Variants in PKD1 observed in about 807,000 individuals in gnomAD.
PKD1 encodes the protein polycystin 1, transient receptor potential channel interacting, also known as polycystin-1.
In PKD1, 81 loss-of-function variants were observed where a neutral mutation model predicts 361.7. The observed-to-expected ratio is 0.22, with a 90% confidence interval of 0.19 to 0.27. PKD1 has a LOEUF of 0.27. PKD1 is among the 10% of genes least tolerant of loss of function. The pLI is 1.00. For missense variants in PKD1, 6,399 were observed against 6,118.3 expected, an observed-to-expected ratio of 1.05 and a Z score of -1.53; for synonymous variants, 3,615 against 2,818.3, an observed-to-expected ratio of 1.28 and a Z score of -8.95.
chr16:2,123,703 C>A lies in PKD1; in HGVS notation c.216-4325G>T, dbSNP rs28651969. On this transcript the variant is annotated intron_variant, in intron 1 of 45. Transcript: ENST00000262304. ...GGCATCTGGCAGCAGGACCACCGAG[C>A]GGCCCTAAGCCCAGGCAAGAGCACA... is the stretch of plus-strand genomic sequence containing the variant. Among the ~76,000 whole-genome samples the A allele has an allele frequency of 3.3e-5, 5 of 152,076 alleles. No homozygotes were observed. The South Asian group carries it at 1.0e-3, about 32-fold the overall frequency.
intron 1 of PKD1, among the ~76,000 whole-genome samples, chr16:2,125,220 T>C (rs1384898983): frequency 6.6e-6 from 1 of 151,720 alleles, no homozygotes; most frequent in African/African-American, 2.4e-5. Flanking sequence ...AAAAAAACAG[T>C]GCAGCCCCGG....
At chr16:2,092,914 T>C (rs763713491) in intron 38 of PKD1, 40 bp downstream of exon 38, 6 of 1,612,188 alleles carry the variant, frequency 3.7e-6, no homozygotes, top group Non-Finnish European at 5.1e-6. Context: ...AAGGCAAAAC[T>C]AAAGCCCAGA....
At chr16:2,125,142 C>T (rs1185235199) in intron 1 of PKD1, among the ~76,000 whole-genome samples, 20 of 152,206 alleles carry the variant, frequency 1.3e-4, no homozygotes, top group Admixed American at 8.5e-4. Context: ...GAGAGTGAGG[C>T]GGCTTCCAGG....
At chr16:2,128,971 C>G (rs1181742661) in intron 1 of PKD1, among the ~76,000 whole-genome samples, 1 of 151,868 alleles carries the variant, frequency 6.6e-6, no homozygotes, top group African/African-American at 2.4e-5. Flanking sequence ...TCAAGTGATT[C>G]TCCTGCCTCA....
intron 1 of PKD1, among the ~76,000 whole-genome samples, chr16:2,124,428 G>C (rs902819163): frequency 6.6e-6 from 1 of 152,256 alleles, no homozygotes. Context: ...GCCTGAGGCT[G>C]GCAGGGCCGG....
rs182244605 is a variant in PKD1, at chr16:2,102,687, C to T, written c.8949-54G>A. ...GCCCAGGCTCCGCCAGGTTGGATGT[C>T]GCAGTCTCAGAGCCCATACCCGGTC... On this transcript the variant is annotated intron_variant, in intron 24 of 45. Coordinates refer to ENST00000262304, the MANE Select transcript of PKD1 (RefSeq NM_001009944.3). 7.2e-4 allele frequency: 1,159 copies of T among 1,609,934 alleles called. 5 individuals carry two copies. In the African/African-American group the frequency reaches 0.013, roughly 18 times the overall value.
chr16:2,110,910 C>G lies in PKD1; in HGVS notation c.4257G>C (p.Glu1419Asp), dbSNP rs1171741150. The change falls in exon 15 of 46, where the codon GAG (glutamate) becomes GAC (aspartate). Residue 1419 changes from glutamate (E) to aspartate (D), a missense_variant. Transcript: ENST00000262304. The stretch of plus-strand genomic sequence containing the variant: ...CCCTGGCACGGGTGGGGGCGGCTTC[C>G]TCGGTGCCAAAGTCCCAGGTGTAGC... ...PYRYTWDFGT[E>D]EAAPTRARGP... 1.9e-6 allele frequency: 3 copies of G among 1,611,266 alleles called. No individual in the cohort carries two copies. Among genetic ancestry groups the G allele is most frequent in the African/African-American group, 1.3e-5 (1 of 74,890 alleles).
rs2151767192 is a variant in PKD1 at position 2,105,464 on chromosome 16, G to A, written c.7874C>T (p.Ala2625Val). Reference protein sequence around the residue: ...LVTVLNEYERALDVAAEPKHE... With the variant: ...LVTVLNEYERVLDVAAEPKHE... ...CTTGGGCTCTGCCGCCACGTCCAGGGCCCGCTCGTACTGGGGCAGGCAGGG... is the reference window on the plus strand; with the variant it reads ...CTTGGGCTCTGCCGCCACGTCCAGGACCCGCTCGTACTGGGGCAGGCAGGG... Residue 2625 changes from alanine to valine, a missense_variant, in exon 21 of 46, where the codon GCC (alanine) becomes GTC (valine). Physicochemically the swap from Ala to Val is moderately conservative, Grantham distance 64. Coordinates refer to ENST00000262304, the MANE Select transcript of PKD1 (RefSeq NM_001009944.3). The A allele has an allele frequency of 1.3e-6, 2 of 1,594,868 alleles. No homozygotes were observed. The highest frequency in any genetic ancestry group is 1.7e-6 in the Non-Finnish European group (2 of 1,178,846).
Position 2,111,851 on chromosome 16 carries a change from G to T in PKD1, c.3316C>A (p.Leu1106Met). 1 of 1,610,300 alleles carries T rather than the reference G, an allele frequency of 6.2e-7. No individual in the cohort carries two copies. Among genetic ancestry groups the T allele is most frequent in the East Asian group, 2.2e-5 (1 of 44,868 alleles). ...AAPGEYLLTV[L>M]ASNAFENLTQ... is the part of the protein sequence containing the mutation. Reference sequence around the variant, plus strand: ...AGGTTCTCGAAGGCATTAGATGCCAGCACGGTCAGGAGGTACTCACCTGTG... The same window carrying T: ...AGGTTCTCGAAGGCATTAGATGCCATCACGGTCAGGAGGTACTCACCTGTG... Residue 1106 changes from leucine (L) to methionine (M), a missense_variant, in exon 15 of 46, where the codon CTG (leucine) becomes ATG (methionine). Transcript: ENST00000262304.
chr16:2,134,979 G>T (rs1471926156), intron 1 of PKD1: 1 of 232,794 alleles, frequency 4.3e-6, no homozygotes, highest in African/African-American at 2.9e-5. Context: ...CCAGCCTCCA[G>T]CCTCACGGTC....
chr16:2,106,501 G>A lies in PKD1; in HGVS notation c.7386C>T (p.Ser2462=), dbSNP rs1214864047. ...GRSGEEEGCA[S]IRLSPNRPPL... is the part of the protein sequence containing the mutation. ...GCGGGCGGTTGGGGGACAGGCGGAT[G>A]GAGGCGCAGCCCTCCTCCTCGCCAG... is the stretch of plus-strand genomic sequence containing the variant. Residue 2462 remains serine, a synonymous_variant, in exon 18 of 46, where the codon TCC becomes TCT. Transcript: ENST00000262304. The surrounding 1 kb of genome is among the most constrained non-coding windows in gnomAD (Gnocchi z 6.5). The A allele has an allele frequency of 3.8e-6, 6 of 1,594,696 alleles. No individual in the cohort carries two copies. In the Admixed American group the frequency reaches 6.7e-5, roughly 18 times the overall value.
At chr16:2,107,634 G>A (rs1415275316) in intron 16 of PKD1, 52 of 587,380 alleles carry the variant, frequency 8.9e-5, no homozygotes, top group East Asian at 3.5e-4. Flanking sequence ...CTTCCTCACT[G>A]TTGGTATTGC....
chr16:2,112,235 G>C, intron 14 of PKD1, 105 bp downstream of exon 14: 1 of 992,284 alleles, frequency 1.0e-6, no homozygotes, highest in East Asian at 2.6e-5. Context: ...TGAGGTCACA[G>C]TGAGGGCTGT....
At chr16:2,112,544 G>T in intron 13 of PKD1, 71 bp from the exon 14 acceptor site, 6 of 1,405,980 alleles carry the variant, frequency 4.3e-6, no homozygotes, top group Non-Finnish European at 5.8e-6. Flanking sequence ...GGGGTGCTTG[G>T]GACCCAGCCG....
intron 1 of PKD1, among the ~76,000 whole-genome samples, chr16:2,128,453 C>G (rs1567227775): frequency 6.6e-6 from 1 of 151,896 alleles, no homozygotes; most frequent in African/African-American, 2.4e-5. Flanking sequence ...CCACTGCCAC[C>G]TCTGTCTGTC....
rs183084156 is a variant in PKD1, at chr16:2,103,613, G to A, written c.8444C>T (p.Ala2815Val). ...HFSIPEAFSG[A>V]LANLSDVVQL... is the part of the protein sequence containing the mutation. ...CACCACGTCACTGAGGTTGGCCAGG[G>A]CCCCGCTGAAAGCCTCGGGGATGGA... Residue 2815 changes from alanine (A) to valine (V), a missense_variant, in exon 23 of 46, where the codon GCC becomes GTC. By Grantham distance (64) the Ala-to-Val change is moderately conservative. Transcript: ENST00000262304. 1.9e-4 allele frequency: 301 copies of A among 1,610,480 alleles called. No homozygotes were observed. The East Asian group carries it at 5.6e-3, about 30-fold the overall frequency.
intron 11 of PKD1, among the ~76,000 whole-genome samples, chr16:2,113,533 T>C (rs1435233564): frequency 1.3e-5 from 2 of 152,164 alleles, no homozygotes; most frequent in African/African-American, 4.8e-5. Flanking sequence ...TTTCCCCATC[T>C]GTAAAGCAAA....
intron 1 of PKD1, among the ~76,000 whole-genome samples, chr16:2,132,335 C>T (rs1190504679): frequency 2.0e-5 from 3 of 151,148 alleles, no homozygotes; most frequent in Non-Finnish European, 2.9e-5. Context: ...TTTGGGAGGC[C>T]GAGGTGGGCA....
intron 1 of PKD1, chr16:2,133,148 G>A (rs1379369035): frequency 6.6e-6 from 1 of 150,794 alleles, no homozygotes; most frequent in Non-Finnish European, 1.5e-5. Context: ...GGGAGGGCAG[G>A]GCAGGCTCTG....
Sources: allele counts gnomAD v4.1 joint callset (sites outside exome capture counted in the v4.1 genomes callset), GRCh38; gene constraint gnomAD v4.1.1; non-coding constraint Gnocchi (gnomAD v3.1); transcripts MANE v1.5; gene names NCBI Gene and HGNC (gene_info 2026-07-23, HGNC 2026-07-21).